The following TEK variants were observed in gnomAD, a reference collection of about 807,000 sequenced individuals.
The protein encoded by TEK is TEK receptor tyrosine kinase, also known as angiopoietin-1 receptor.
In TEK, 43 loss-of-function variants were observed where a neutral mutation model predicts 131.8. The ratio of observed to expected loss-of-function variants is 0.33; its 90% CI spans 0.26 to 0.42. The LOEUF (loss-of-function observed/expected upper bound fraction) is 0.42, where lower values mean the gene tolerates loss of function less well. TEK is among the 10% of genes least tolerant of loss of function. TEK has a pLI of 1.00. For missense variants in TEK, 1,162 were observed against 1,384.4 expected (o/e 0.84, Z 2.55); for synonymous variants, 580 against 491.6 (o/e 1.18, Z -2.38).
chr9:27,217,811 A>G (rs1825872819), intron 19 of TEK, 53 bp downstream of exon 19: 4 of 1,505,228 alleles, frequency 2.7e-6, no homozygotes, highest in South Asian at 1.1e-5. Flanking sequence ...AGAAACATAT[A>G]CATTTGACAG....
At position 27,217,770 on chromosome 9, in the gene TEK, T is replaced by A. The variant is rs765347488; in HGVS notation, c.3062+12T>A. 2.7e-5 allele frequency: 42 copies of A among 1,572,358 alleles called. No individual in the cohort carries two copies. Among genetic ancestry groups the A allele is most frequent in the South Asian group, 1.0e-4 (9 of 89,118 alleles). On this transcript the variant is annotated intron_variant, in intron 19 of 22. Transcript: ENST00000380036. ...ACCAACAGTGATGTGTGAGTAAACTTCTTATTGCCAAGGGATTTTTTTTCC... is the reference window on the plus strand; with the variant it reads ...ACCAACAGTGATGTGTGAGTAAACTACTTATTGCCAAGGGATTTTTTTTCC...
chr9:27,211,186 A>AAT (rs1246114552), intron 16 of TEK, among the ~76,000 whole-genome samples: 3 of 95,672 alleles, frequency 3.1e-5, no homozygotes, highest in Middle Eastern at 4.9e-3. Context: ...TATATATATG[A>AAT]ATATATGTAT....
intron 10 of TEK, among the ~76,000 whole-genome samples, chr9:27,191,276 C>G (rs1408160630): frequency 6.6e-6 from 1 of 152,090 alleles, no homozygotes; most frequent in African/African-American, 2.4e-5. Context: ...GACCCCTCCC[C>G]TAACTTCCTG....
chr9:27,196,683 T>C (rs1226573393), intron 11 of TEK, among the ~76,000 whole-genome samples: 2 of 151,124 alleles, frequency 1.3e-5, no homozygotes, highest in African/African-American at 2.4e-5. Flanking sequence ...CTTTTACTCA[T>C]GGCAGAAGGC....
At chr9:27,138,537 C>T (rs1822591916) in intron 1 of TEK, among the ~76,000 whole-genome samples, 2 of 152,210 alleles carry the variant, frequency 1.3e-5, no homozygotes, top group African/African-American at 4.8e-5. Flanking sequence ...TTCTCCAAGT[C>T]CCCACTTGAC....
chr9:27,154,887 A>C (rs1564064405), intron 1 of TEK, among the ~76,000 whole-genome samples: 2 of 152,240 alleles, frequency 1.3e-5, no homozygotes, highest in African/African-American at 2.4e-5. Context: ...CTCTGAAAGG[A>C]GCAAGAGGAA....
chr9:27,166,967 G>C (rs936575226), intron 2 of TEK, among the ~76,000 whole-genome samples: 1 of 152,108 alleles, frequency 6.6e-6, no homozygotes, highest in African/African-American at 2.4e-5. Context: ...AAGTTAGATA[G>C]ACTGTTTCTC....
chr9:27,155,678 A>G (rs1018612175), intron 1 of TEK, among the ~76,000 whole-genome samples: 1 of 152,244 alleles, frequency 6.6e-6, no homozygotes, highest in South Asian at 2.1e-4. Flanking sequence ...TTAAACGCTC[A>G]GCAGTCATTG....
Position 27,229,949 on chromosome 9 carries a change from T to A in TEK, c.*717T>A, listed in dbSNP as rs41272851. ...TAGGATAAAATAATGGGATTTTCTTTTCTTTTCTCTGGTAATATTGACTTG... is the reference window on the plus strand; with the variant it reads ...TAGGATAAAATAATGGGATTTTCTTATCTTTTCTCTGGTAATATTGACTTG... On this transcript the variant is annotated 3_prime_UTR_variant, in exon 23 of 23. Transcript: ENST00000380036. The A allele has an allele frequency of 0.054, 8,278 of 152,310 alleles. 383 individuals are homozygous for A. The highest frequency in any genetic ancestry group is 0.15 in the Admixed American group (2,252 of 15,278). The allele number at this position is 152,310 out of a possible 1,614,324, so 9.4% of individuals were successfully genotyped here.
chr9:27,157,738 C>A, intron 1 of TEK, 93 bp from the exon 2 acceptor site: 1 of 1,417,498 alleles, frequency 7.1e-7, no homozygotes, highest in Non-Finnish European at 1.0e-6. Context: ...AATCCTCACA[C>A]AACTTTAAGA....
At chr9:27,163,155 C>T (rs1823607001) in intron 2 of TEK, among the ~76,000 whole-genome samples, 1 of 152,200 alleles carries the variant, frequency 6.6e-6, no homozygotes, top group Non-Finnish European at 1.5e-5. Context: ...TAAGACCCCA[C>T]TAATAATAGA....
chr9:27,148,031 G>C (rs7870981), intron 1 of TEK, among the ~76,000 whole-genome samples: 8,459 of 150,788 alleles, frequency 0.056, 790 homozygotes, highest in African/African-American at 0.19. Context: ...AGTACCTACT[G>C]CCTAGATTGC....
Position 27,169,430 on chromosome 9 carries a change from GTATGT to G in TEK, c.476-45_476-41del, listed in dbSNP as rs149128540. ...GTGGAGAAACCAGACAAGGAAGCAG[GTATGT>G]TTCAGTGTGACCTACGGTTCTTCAC... On this transcript the variant is annotated intron_variant, in intron 3 of 22. Transcript: ENST00000380036. The G allele has an allele frequency of 1.2e-3, 1,875 of 1,612,032 alleles. 17 individuals are homozygous for G. In the African/African-American group the frequency reaches 0.022, roughly 19 times the overall value.
In TEK at chr9:27,165,362, C is replaced by T. The variant is rs145798965; in HGVS notation, c.365-3133C>T. On this transcript the variant is annotated intron_variant, in intron 2 of 22. Coordinates refer to ENST00000380036, the MANE Select transcript of TEK (RefSeq NM_000459.5). ...TTCTCGTAGGAGTCCAGGAGCATGC[C>T]ACAGAGAGCAAGAGCTGCATGCATT... is the stretch of plus-strand genomic sequence containing the variant. Among the ~76,000 whole-genome samples, 98 of 150,950 alleles carry T rather than the reference C, an allele frequency of 6.5e-4. 1 individual carries two copies. In the East Asian group the frequency reaches 0.014, roughly 21 times the overall value.
chr9:27,158,742 C>T (rs560792862), intron 2 of TEK, among the ~76,000 whole-genome samples: 1 of 151,416 alleles, frequency 6.6e-6, no homozygotes, highest in African/African-American at 2.4e-5. Flanking sequence ...TCACTGCAAC[C>T]TCCGCCTCCC....
intron 7 of TEK, among the ~76,000 whole-genome samples, chr9:27,181,448 T>C (rs1259780611): frequency 6.6e-6 from 1 of 152,246 alleles, no homozygotes; most frequent in African/African-American, 2.4e-5. Context: ...CTTCTGTCTC[T>C]GTAGATTGCC....
chr9:27,193,222 A>G (rs1478260618), intron 11 of TEK, among the ~76,000 whole-genome samples: 1 of 152,170 alleles, frequency 6.6e-6, no homozygotes, highest in South Asian at 2.1e-4. Context: ...TATTTCTTAT[A>G]TTTACCTCCC....
intron 11 of TEK, 87 bp downstream of exon 11, chr9:27,192,710 G>T (rs1824868047): frequency 1.7e-6 from 2 of 1,173,960 alleles, no homozygotes; most frequent in Non-Finnish European, 2.4e-6. Context: ...GAAGGGTGGT[G>T]GTGGGTGAGT....
In TEK at chr9:27,197,454, G is replaced by A. The variant is rs1683058089; in HGVS notation, c.1764G>A (p.Gln588=). Residue 588 remains glutamine, a synonymous_variant, in exon 12 of 23, where the codon CAG becomes CAA. Coordinates refer to ENST00000380036, the MANE Select transcript of TEK (RefSeq NM_000459.5). ...GAAGGTCTGTGCAAAAAAGTGATCAGCAGAATATTAAAGTTCCAGGCAACT... is the reference window on the plus strand; with the variant it reads ...GAAGGTCTGTGCAAAAAAGTGATCAACAGAATATTAAAGTTCCAGGCAACT... ...VERRSVQKSD[Q]QNIKVPGNLT... is the part of the protein sequence containing the mutation. 1 of 1,614,064 alleles carries A rather than the reference G, an allele frequency of 6.2e-7. No homozygotes were observed. Among genetic ancestry groups the A allele is most frequent in the Non-Finnish European group, 8.5e-7 (1 of 1,180,000 alleles).
Sources: allele counts gnomAD v4.1 joint callset (sites outside exome capture counted in the v4.1 genomes callset), GRCh38; gene constraint gnomAD v4.1.1; transcripts MANE v1.5; gene names NCBI Gene and HGNC (gene_info 2026-07-23, HGNC 2026-07-21).